Variants in LARGE1 observed in about 807,000 individuals in gnomAD.
The protein encoded by LARGE1 is xylosyl- and glucuronyltransferase LARGE1.
LARGE1 carries 43 observed loss-of-function variants against 87.6 expected under a neutral mutation model. The observed-to-expected ratio is 0.49, with a 90% CI of 0.38 to 0.63. The LOEUF is 0.63. LARGE1 is among the 30% of genes least tolerant of loss of function. LARGE1 has a pLI of 0.00. For synonymous variants in LARGE1, 434 were observed against 394.6 expected, an observed-to-expected ratio of 1.10 and a Z score of -1.18; for missense variants, 802 against 1,000.2, an observed-to-expected ratio of 0.80 and a Z score of 2.67.
At chr22:33,763,459 C>A (rs968012099) in intron 1 of LARGE1, among the ~76,000 whole-genome samples, 3 of 152,248 alleles carry the variant, frequency 2.0e-5, no homozygotes, top group Admixed American at 6.5e-5. Flanking sequence ...AAAAAAGTCC[C>A]CTCTAGGGAA....
At chr22:33,560,245 A>G (rs2077814895) in intron 6 of LARGE1, among the ~76,000 whole-genome samples, 1 of 152,202 alleles carries the variant, frequency 6.6e-6, no homozygotes. Flanking sequence ...GTTTATCCAT[A>G]AAGTCCTTAA....
intron 5 of LARGE1, among the ~76,000 whole-genome samples, chr22:33,600,786 C>T (rs907605618): frequency 6.6e-6 from 1 of 152,160 alleles, no homozygotes; most frequent in African/African-American, 2.4e-5. Flanking sequence ...GTGGCTCATG[C>T]CCGTAATCCC....
intron 5 of LARGE1, among the ~76,000 whole-genome samples, chr22:33,592,553 C>T (rs1284810580): frequency 6.6e-6 from 1 of 152,160 alleles, no homozygotes; most frequent in East Asian, 1.9e-4. Flanking sequence ...CTCATACTCT[C>T]CAGTGTGTTT....
At chr22:33,126,347 T>C in the LARGE1 span, among the ~76,000 whole-genome samples, 1 of 152,234 alleles carries the variant, frequency 6.6e-6, no homozygotes, top group African/African-American at 2.4e-5. Context: ...TAACGTATGA[T>C]GAAGAGTCAC....
At chr22:33,838,144 A>G (rs1279903731) in intron 1 of LARGE1, among the ~76,000 whole-genome samples, 1 of 152,204 alleles carries the variant, frequency 6.6e-6, no homozygotes, top group Non-Finnish European at 1.5e-5. Context: ...AACATGTAAA[A>G]GCCATTCTTA....
intron 10 of LARGE1, among the ~76,000 whole-genome samples, chr22:33,334,792 G>C (rs181894185): frequency 6.6e-6 from 1 of 152,214 alleles, no homozygotes; most frequent in African/African-American, 2.4e-5. Flanking sequence ...TAAGCTTCAG[G>C]CCACTTACAT....
At chr22:33,138,993 G>A in the LARGE1 span, among the ~76,000 whole-genome samples, 1 of 152,096 alleles carries the variant, frequency 6.6e-6, no homozygotes, top group South Asian at 2.1e-4. Flanking sequence ...TAGTGAATAA[G>A]TCTCACAAGA....
chr22:33,696,733 C>T (rs2082265524), intron 2 of LARGE1, among the ~76,000 whole-genome samples: 1 of 152,076 alleles, frequency 6.6e-6, no homozygotes, highest in Non-Finnish European at 1.5e-5. Context: ...TGTGGTCTTT[C>T]CTGCTTCCTG....
chr22:33,890,736 C>A (rs2146828385), intron 1 of LARGE1, among the ~76,000 whole-genome samples: 1 of 150,274 alleles, frequency 6.7e-6, no homozygotes, highest in South Asian at 2.1e-4. Context: ...ATAAGCCAGC[C>A]CTCATAGGCA....
At chr22:33,091,872 C>T in the LARGE1 span, among the ~76,000 whole-genome samples, 3 of 152,100 alleles carry the variant, frequency 2.0e-5, no homozygotes, top group African/African-American at 4.8e-5. Flanking sequence ...CAGAAATAGT[C>T]TTCATGTTCT....
chr22:33,785,001 A>T (rs1202297329), intron 1 of LARGE1, among the ~76,000 whole-genome samples: 1 of 150,354 alleles, frequency 6.7e-6, no homozygotes, highest in Non-Finnish European at 1.5e-5. Flanking sequence ...ACGTGTATAT[A>T]CATATATGTG....
intron 2 of LARGE1, among the ~76,000 whole-genome samples, chr22:33,678,213 G>A (rs58858142): frequency 1.2e-3 from 189 of 152,320 alleles, no homozygotes; most frequent in African/African-American, 4.3e-3. Context: ...TATTATGCAT[G>A]TGGAAAGGGT....
chr22:33,203,085 CTCTCTCTCTCTCTCTCTGTG>C (rs1396194169), intron 11 of LARGE1, among the ~76,000 whole-genome samples: 3 of 149,130 alleles, frequency 2.0e-5, no homozygotes, highest in Non-Finnish European at 4.4e-5. Context: ...CTCTCTCTCT[CTCTCTCTCTCTCTCTCTGTG>C]TGTGTGTGTG....
chr22:33,621,641 T>G (rs1042489633), intron 4 of LARGE1, among the ~76,000 whole-genome samples: 2 of 152,234 alleles, frequency 1.3e-5, no homozygotes, highest in African/African-American at 4.8e-5. Context: ...TTAATCCCCA[T>G]AATGTGCTTG....
chr22:33,483,476 T>C (rs1416951425), intron 6 of LARGE1, among the ~76,000 whole-genome samples: 1 of 152,010 alleles, frequency 6.6e-6, no homozygotes, highest in Non-Finnish European at 1.5e-5. Context: ...GAGAGGGTGA[T>C]GGTGAACAGA....
At chr22:33,535,795 A>G (rs2077025157) in intron 6 of LARGE1, among the ~76,000 whole-genome samples, 1 of 151,952 alleles carries the variant, frequency 6.6e-6, no homozygotes, top group East Asian at 1.9e-4. Context: ...GCCCGGTGGG[A>G]TCGCTGATCT....
chr22:33,647,129 TAGTC>T (rs1034927813), intron 3 of LARGE1, among the ~76,000 whole-genome samples: 2 of 152,238 alleles, frequency 1.3e-5, no homozygotes, highest in African/African-American at 4.8e-5. Flanking sequence ...CAGAGATTCT[TAGTC>T]AGTAGGTCTG....
intron 5 of LARGE1, among the ~76,000 whole-genome samples, chr22:33,572,484 C>A (rs894609117): frequency 2.6e-5 from 4 of 151,948 alleles, no homozygotes; most frequent in Non-Finnish European, 2.9e-5. Context: ...AGCTCCCCAC[C>A]CATAAAATAG....
At chr22:33,114,045 A>ATTTTTTTT in the LARGE1 span, among the ~76,000 whole-genome samples, 1 of 135,746 alleles carries the variant, frequency 7.4e-6, no homozygotes. Flanking sequence ...TAATTTTTCT[A>ATTTTTTTT]TTTTTTTTTT....
Sources: gnomAD v4.1 joint callset for allele counts (sites outside exome capture counted in the v4.1 genomes callset) on GRCh38, gnomAD v4.1.1 for gene constraint, MANE v1.5 for transcripts, NCBI Gene and HGNC (gene_info 2026-07-23, HGNC 2026-07-21) for gene names.